The following SEPTIN9 variants were observed in gnomAD, a reference collection of about 807,000 sequenced individuals.
The protein encoded by SEPTIN9 is septin-9.
Under a neutral mutation model 56.6 loss-of-function variants are expected in SEPTIN9, and 13 were observed. The ratio of observed to expected loss-of-function variants is 0.23; its 90% confidence interval spans 0.15 to 0.37. The LOEUF is 0.37. Among genes scored for constraint, SEPTIN9 ranks in the 10% least tolerant of loss-of-function variants. The pLI, the probability that SEPTIN9 is intolerant of heterozygous loss-of-function variation, is 1.00. For synonymous variants in SEPTIN9, 332 were observed against 334.1 expected, an observed-to-expected ratio of 0.99 and a Z score of 0.07; for missense variants, 650 against 823.1, an observed-to-expected ratio of 0.79 and a Z score of 2.57.
rs1343091436 is a variant in SEPTIN9, at chr17:77,317,439, T to C, written c.76+10242T>C. Among the ~76,000 whole-genome samples, 1 of 152,200 alleles carries C rather than the reference T, an allele frequency of 6.6e-6. No individual in the cohort carries two copies. The highest frequency in any genetic ancestry group is 1.5e-5 in the Non-Finnish European group (1 of 68,042). Reference sequence around the variant, plus strand: ...TGCCCAAGCTCTGCCTCCTGTCTGATCAGCCATGGCATTGGATTCTTATAG... The same window carrying C: ...TGCCCAAGCTCTGCCTCCTGTCTGACCAGCCATGGCATTGGATTCTTATAG... On this transcript the variant is annotated intron_variant, in intron 2 of 11. Coordinates refer to ENST00000427177, the MANE Select transcript of SEPTIN9 (RefSeq NM_001113491.2). This position sits in a 1 kb window ranked among gnomAD's most constrained non-coding sequence, Gnocchi z 4.2.
Position 77,389,964 on chromosome 17 carries a change from T to C in SEPTIN9, c.77-12095T>C, listed in dbSNP as rs1291209380. 6.6e-6 allele frequency among the ~76,000 whole-genome samples: 1 copy of C among 151,940 alleles called. No homozygotes were observed. Among genetic ancestry groups the C allele is most frequent in the African/African-American group, 2.4e-5 (1 of 41,342 alleles). On this transcript the variant is annotated intron_variant, in intron 2 of 11. Transcript: ENST00000427177. This position sits in a 1 kb window ranked among gnomAD's most constrained non-coding sequence, Gnocchi z 4.3. The stretch of plus-strand genomic sequence containing the variant: ...GGAAGTCCAGCAACTTAGCGCCACT[T>C]TAAAGTCCGCCTGGAATGACCCTGT...
intron 10 of SEPTIN9, among the ~76,000 whole-genome samples, chr17:77,493,512 G>A (rs2143424951): frequency 6.6e-6 from 1 of 152,278 alleles, no homozygotes; most frequent in Middle Eastern, 3.4e-3. Flanking sequence ...CTCTTGAGTG[G>A]CTGTTGTAAC....
rs1439867511 is a variant in SEPTIN9, at chr17:77,436,033, G to C, written c.721+33330G>C. On this transcript the variant is annotated intron_variant, in intron 3 of 11. Transcript: ENST00000427177. The surrounding 1 kb of genome is among the most constrained non-coding windows in gnomAD (Gnocchi z 4.4). ...TTCTCTTGGCCTCAGCCTCGTGTGT[G>C]TGTTTATGCATGGGTACTTTGCCAT... Among the ~76,000 whole-genome samples the C allele has an allele frequency of 1.3e-5, 2 of 152,218 alleles. No homozygotes were observed. The highest frequency in any genetic ancestry group is 4.8e-5 in the African/African-American group (2 of 41,454).
intron 2 of SEPTIN9, among the ~76,000 whole-genome samples, chr17:77,368,385 C>T (rs1003660592): frequency 6.6e-6 from 1 of 151,036 alleles, no homozygotes; most frequent in African/African-American, 2.4e-5. Flanking sequence ...GATCTTGGCT[C>T]ACTGTAACCT....
rs1259155412 is a variant in SEPTIN9, at chr17:77,323,519, C to T, written c.76+16322C>T. Among the ~76,000 whole-genome samples, 1 of 152,132 alleles carries T rather than the reference C, an allele frequency of 6.6e-6. No homozygotes were observed. Among genetic ancestry groups the T allele is most frequent in the Non-Finnish European group, 1.5e-5 (1 of 68,022 alleles). ...CTGTGCATGGTCATGAATGCAGGCC[C>T]GGGGTCCTGGAGGGGGCTTGGCCAC... On this transcript the variant is annotated intron_variant, in intron 2 of 11. Coordinates refer to ENST00000427177, the MANE Select transcript of SEPTIN9 (RefSeq NM_001113491.2). The surrounding 1 kb of genome is among the most constrained non-coding windows in gnomAD (Gnocchi z 6.8).
intron 2 of SEPTIN9, among the ~76,000 whole-genome samples, chr17:77,362,118 C>T (rs1421932143): frequency 6.6e-6 from 1 of 152,238 alleles, no homozygotes; most frequent in African/African-American, 2.4e-5. Flanking sequence ...GAAATCGATG[C>T]CCCGTATCGG....
In SEPTIN9 at chr17:77,389,667, A is replaced by C. The variant is rs2035462506; in HGVS notation, c.77-12392A>C. On this transcript the variant is annotated intron_variant, in intron 2 of 11. Coordinates refer to ENST00000427177, the MANE Select transcript of SEPTIN9 (RefSeq NM_001113491.2). The surrounding 1 kb of genome is among the most constrained non-coding windows in gnomAD (Gnocchi z 4.3). ...AGACCCTCCCACACAGATCCGTCCC[A>C]CCCTTCTGCTGCCTTCCACCAGGGA... 1.3e-5 allele frequency among the ~76,000 whole-genome samples: 2 copies of C among 150,682 alleles called. No homozygotes were observed. Among genetic ancestry groups the C allele is most frequent in the African/African-American group, 2.4e-5 (1 of 40,840 alleles).
Position 77,499,381 on chromosome 17 carries a change from G to A in SEPTIN9, c.*723G>A, listed in dbSNP as rs554019964. On this transcript the variant is annotated 3_prime_UTR_variant, in exon 12 of 12. Transcript: ENST00000427177. ...CATCTCCCTGCCATCCCCCTCTCAC[G>A]CCACCCCCGCCCCCACCGGGCTGCA... The A allele has an allele frequency of 5.8e-5, 32 of 555,446 alleles. No individual in the cohort carries two copies. The East Asian group carries it at 6.3e-4, about 11-fold the overall frequency. 34.4% of individuals were successfully genotyped at this position (555,446 alleles called of 1,614,324 possible).
chr17:77,395,444 G>A (rs1278104809), intron 2 of SEPTIN9, among the ~76,000 whole-genome samples: 1 of 151,846 alleles, frequency 6.6e-6, no homozygotes, highest in Non-Finnish European at 1.5e-5. Flanking sequence ...CAGGAGAATG[G>A]CGTGAACCTG....
At chr17:77,356,607 C>T (rs2034250199) in intron 2 of SEPTIN9, among the ~76,000 whole-genome samples, 1 of 146,800 alleles carries the variant, frequency 6.8e-6, no homozygotes, top group Non-Finnish European at 1.5e-5. Flanking sequence ...GGCTGCTCCT[C>T]CTCCTTCTAT....
intron 2 of SEPTIN9, among the ~76,000 whole-genome samples, chr17:77,325,767 C>G (rs1375297235): frequency 1.3e-5 from 2 of 152,214 alleles, no homozygotes; most frequent in African/African-American, 2.4e-5. Flanking sequence ...TTGTCTGCTT[C>G]CTGTTTGGAG....
At chr17:77,307,328 C>A in intron 2 of SEPTIN9, 131 bp downstream of exon 2, 1 of 838,238 alleles carries the variant, frequency 1.2e-6, no homozygotes, top group South Asian at 1.4e-5. Context: ...GCCCATTTCC[C>A]AGGGAGACGC....
chr17:77,439,075 T>A (rs1249900535), intron 3 of SEPTIN9, among the ~76,000 whole-genome samples: 5 of 152,202 alleles, frequency 3.3e-5, no homozygotes. Context: ...TTTGGGGGGT[T>A]GTCTGCCTGA....
chr17:77,411,900 C>T (rs553561954), intron 3 of SEPTIN9, among the ~76,000 whole-genome samples: 19 of 151,560 alleles, frequency 1.3e-4, no homozygotes, highest in Non-Finnish European at 2.2e-4. Context: ...GAGGCCAAGG[C>T]GGGCTGATCA....
chr17:77,350,159 C>T (rs1049148185), intron 2 of SEPTIN9, among the ~76,000 whole-genome samples: 1 of 152,188 alleles, frequency 6.6e-6, no homozygotes, highest in South Asian at 2.1e-4. Context: ...CTTCTCTTCT[C>T]CTCAAGTTGC....
rs1301172660 is a variant in SEPTIN9 at position 77,425,865 on chromosome 17, A to G, written c.721+23162A>G. Among the ~76,000 whole-genome samples the G allele has an allele frequency of 5.9e-5, 9 of 152,234 alleles. No individual in the cohort carries two copies. The highest frequency in any genetic ancestry group is 5.2e-4 in the Admixed American group (8 of 15,286). ...TGACCCTGGTTGTGCGGTCTTGGACAGTCCCAGCCCTCCTGGAGCTGAGCA... is the reference window on the plus strand; with the variant it reads ...TGACCCTGGTTGTGCGGTCTTGGACGGTCCCAGCCCTCCTGGAGCTGAGCA... On this transcript the variant is annotated intron_variant, in intron 3 of 11. Transcript: ENST00000427177. The surrounding 1 kb of genome is among the most constrained non-coding windows in gnomAD (Gnocchi z 4.2).
chr17:77,330,865 G>A lies in SEPTIN9; in HGVS notation c.76+23668G>A, dbSNP rs990409672. Among the ~76,000 whole-genome samples, 1 of 152,216 alleles carries A rather than the reference G, an allele frequency of 6.6e-6. No homozygotes were observed. The highest frequency in any genetic ancestry group is 2.4e-5 in the African/African-American group (1 of 41,448). ...CCTGGCCCCAGTGCTCATGTGGCTT[G>A]TGGCCCTCAGTCTGGGCTTGGTCTC... On this transcript the variant is annotated intron_variant, in intron 2 of 11. Coordinates refer to ENST00000427177, the MANE Select transcript of SEPTIN9 (RefSeq NM_001113491.2). The surrounding 1 kb of genome is among the most constrained non-coding windows in gnomAD (Gnocchi z 4.4).
At chr17:77,398,158 G>C (rs2035785458) in intron 2 of SEPTIN9, among the ~76,000 whole-genome samples, 1 of 151,956 alleles carries the variant, frequency 6.6e-6, no homozygotes, top group African/African-American at 2.4e-5. Flanking sequence ...ATTGTTTAGT[G>C]GAGTCGGGGC....
At chr17:77,424,441 C>T (rs536902734) in intron 3 of SEPTIN9, among the ~76,000 whole-genome samples, 1 of 152,220 alleles carries the variant, frequency 6.6e-6, no homozygotes, top group Admixed American at 6.5e-5. Flanking sequence ...GACACCTCCA[C>T]GGCCCACCTG....
Sources: allele counts gnomAD v4.1 joint callset (sites outside exome capture counted in the v4.1 genomes callset), GRCh38; gene constraint gnomAD v4.1.1; non-coding constraint Gnocchi (gnomAD v3.1); transcripts MANE v1.5; gene names NCBI Gene and HGNC (gene_info 2026-07-23, HGNC 2026-07-21).